The following PAX7 variants were observed in gnomAD, a reference collection of about 807,000 sequenced individuals.
The protein encoded by PAX7 is paired box protein Pax-7.
In PAX7, 18 loss-of-function variants were observed where a neutral mutation model predicts 50.7. That is an observed-to-expected ratio of 0.36 (90% CI 0.25 to 0.53). PAX7 has a LOEUF of 0.53. Among genes scored for constraint, PAX7 ranks in the 20% least tolerant of loss-of-function variants. The pLI is 0.93. For synonymous variants in PAX7, 310 were observed against 290.4 expected (o/e 1.07, Z -0.69); for missense variants, 644 against 702.9 (o/e 0.92, Z 0.95).
At chr1:18,681,651 A>G (rs1239026091) in intron 4 of PAX7, among the ~76,000 whole-genome samples, 2 of 152,152 alleles carry the variant, frequency 1.3e-5, no homozygotes, top group Non-Finnish European at 2.9e-5. Flanking sequence ...TTCCCCTTGC[A>G]TCAGATTTTG....
At position 18,678,868 on chromosome 1, in the gene PAX7, C is replaced by T. The variant is rs145650659; in HGVS notation, c.587-12886C>T. On this transcript the variant is annotated intron_variant, in intron 4 of 8. Transcript: ENST00000420770. ...GCATGTTTGAGCCTGTGCAGGAGACCTGGCATGGCACGCTCAGAAGTGCCC... is the reference window on the plus strand; with the variant it reads ...GCATGTTTGAGCCTGTGCAGGAGACTTGGCATGGCACGCTCAGAAGTGCCC... 2.5e-3 allele frequency among the ~76,000 whole-genome samples: 388 copies of T among 152,306 alleles called. 4 individuals are homozygous for T. The highest frequency in any genetic ancestry group is 9.1e-3 in the African/African-American group (378 of 41,552).
rs1427799199 is a variant in PAX7, at chr1:18,636,907, C to G, written c.586+536C>G. On this transcript the variant is annotated intron_variant, in intron 4 of 8. Transcript: ENST00000420770. This position sits in a 1 kb window ranked among gnomAD's most constrained non-coding sequence, Gnocchi z 5.1. ...GACCGCTGCAATCAATAAAAATTAG[C>G]CAGGGCCGCCGCCTGACTCAGCCCC... Among the ~76,000 whole-genome samples, 2 of 152,144 alleles carry G rather than the reference C, an allele frequency of 1.3e-5. No homozygotes were observed. Among genetic ancestry groups the G allele is most frequent in the Non-Finnish European group, 2.9e-5 (2 of 68,026 alleles).
intron 4 of PAX7, among the ~76,000 whole-genome samples, chr1:18,646,473 G>C (rs147859691): frequency 6.6e-6 from 1 of 152,248 alleles, no homozygotes; most frequent in East Asian, 1.9e-4. Context: ...GATAAGAGCC[G>C]CTCCTGGCCT....
intron 4 of PAX7, among the ~76,000 whole-genome samples, chr1:18,642,482 G>A (rs1319773374): frequency 2.0e-5 from 3 of 152,140 alleles, no homozygotes; most frequent in Non-Finnish European, 4.4e-5. Flanking sequence ...ATGACTAAGG[G>A]GGGAGGACAC....
chr1:18,707,917 G>A (rs560409446), intron 7 of PAX7, among the ~76,000 whole-genome samples: 1 of 152,068 alleles, frequency 6.6e-6, no homozygotes, highest in Non-Finnish European at 1.5e-5. Flanking sequence ...AGAAAACTGA[G>A]GCCAATGACT....
rs925643159 is a variant in PAX7 at position 18,747,349 on chromosome 1, A to G, written c.*2420A>G. 1.3e-5 allele frequency: 3 copies of G among 228,816 alleles called. No individual in the cohort carries two copies. Among genetic ancestry groups the G allele is most frequent in the African/African-American group, 4.4e-5 (2 of 45,118 alleles). The allele number at this position is 228,816 out of a possible 1,614,324, so 14.2% of individuals were successfully genotyped here. On this transcript the variant is annotated 3_prime_UTR_variant, in exon 9 of 9. Coordinates refer to ENST00000420770, the MANE Select transcript of PAX7 (RefSeq NM_001135254.2). ...CAAATGATTTCTCATGACGTTGAACATAAGTTCTCCCAAGCCATCATCTTG... is the reference window on the plus strand; with the variant it reads ...CAAATGATTTCTCATGACGTTGAACGTAAGTTCTCCCAAGCCATCATCTTG...
At chr1:18,643,554 T>C (rs967544025) in intron 4 of PAX7, among the ~76,000 whole-genome samples, 1 of 151,028 alleles carries the variant, frequency 6.6e-6, no homozygotes, top group African/African-American at 2.4e-5. Flanking sequence ...ACCGAGAGAC[T>C]GGCCCTGGGA....
intron 4 of PAX7, among the ~76,000 whole-genome samples, chr1:18,649,529 C>A (rs1389209356): frequency 6.6e-6 from 1 of 151,974 alleles, no homozygotes; most frequent in Non-Finnish European, 1.5e-5. Context: ...AGCCCCCATC[C>A]CCCTCCCCCG....
chr1:18,673,603 T>A (rs564688976), intron 4 of PAX7, among the ~76,000 whole-genome samples: 1 of 152,322 alleles, frequency 6.6e-6, no homozygotes, highest in Non-Finnish European at 1.5e-5. Context: ...GATTTTATTT[T>A]TATTGATCAA....
At chr1:18,723,856 A>G (rs2100375997) in intron 7 of PAX7, among the ~76,000 whole-genome samples, 1 of 152,282 alleles carries the variant, frequency 6.6e-6, no homozygotes, top group South Asian at 2.1e-4. Flanking sequence ...GAAAGAAAAG[A>G]GTGGAGCAGA....
chr1:18,683,321 C>T (rs1320500851), intron 4 of PAX7, among the ~76,000 whole-genome samples: 5 of 152,208 alleles, frequency 3.3e-5, no homozygotes, highest in East Asian at 3.8e-4. Flanking sequence ...TACCTGTCCC[C>T]GGCACTGTTG....
chr1:18,688,660 G>A (rs1423901427), intron 4 of PAX7, among the ~76,000 whole-genome samples: 1 of 152,162 alleles, frequency 6.6e-6, no homozygotes, highest in Non-Finnish European at 1.5e-5. Context: ...CAGCAATTTG[G>A]GAGGCCGAAG....
chr1:18,652,901 C>T (rs1039883263), intron 4 of PAX7, among the ~76,000 whole-genome samples: 1 of 152,192 alleles, frequency 6.6e-6, no homozygotes, highest in African/African-American at 2.4e-5. Flanking sequence ...AGCCATGCCC[C>T]GTGGGTATCT....
chr1:18,708,489 AG>A (rs2089311315), intron 7 of PAX7, among the ~76,000 whole-genome samples: 1 of 152,122 alleles, frequency 6.6e-6, no homozygotes, highest in African/African-American at 2.4e-5. Flanking sequence ...TGGGAGGTTG[AG>A]GCTGCAGTGA....
chr1:18,641,256 A>T (rs2088248978), intron 4 of PAX7, among the ~76,000 whole-genome samples: 1 of 152,190 alleles, frequency 6.6e-6, no homozygotes, highest in Non-Finnish European at 1.5e-5. Flanking sequence ...AACAAACTTT[A>T]AACAAGGGAG....
chr1:18,648,489 G>T (rs886131818), intron 4 of PAX7, among the ~76,000 whole-genome samples: 1 of 151,820 alleles, frequency 6.6e-6, no homozygotes, highest in African/African-American at 2.4e-5. Context: ...CTACAGGCAC[G>T]CACCACCACA....
At chr1:18,667,819 T>C (rs1242869185) in intron 4 of PAX7, among the ~76,000 whole-genome samples, 3 of 152,056 alleles carry the variant, frequency 2.0e-5, no homozygotes, top group African/African-American at 7.3e-5. Flanking sequence ...TGGGGGTTGA[T>C]GAAGGTCCAA....
rs943792008 is a variant in PAX7 at position 18,636,617 on chromosome 1, CTG to C, written c.586+249_586+250del. Among the ~76,000 whole-genome samples the C allele has an allele frequency of 3.9e-5, 6 of 152,194 alleles. No homozygotes were observed. The highest frequency in any genetic ancestry group is 1.4e-4 in the African/African-American group (6 of 41,462). On this transcript the variant is annotated intron_variant, in intron 4 of 8. Coordinates refer to ENST00000420770, the MANE Select transcript of PAX7 (RefSeq NM_001135254.2). The surrounding 1 kb of genome is among the most constrained non-coding windows in gnomAD (Gnocchi z 5.1). ...GCTATGGAGGCCGGGCACGGACGGC[CTG>C]TGAGTCCCGGGAGAGCCCGGCTGCG...
intron 1 of PAX7, among the ~76,000 whole-genome samples, chr1:18,633,975 C>G (rs559354093): frequency 1.5e-4 from 23 of 152,196 alleles, no homozygotes; most frequent in Non-Finnish European, 2.5e-4. Context: ...TCATCTTCAT[C>G]TCTCTCCCTC....
Sources: gnomAD v4.1 joint callset for allele counts (sites outside exome capture counted in the v4.1 genomes callset) on GRCh38, gnomAD v4.1.1 for gene constraint, Gnocchi (gnomAD v3.1) non-coding constraint, MANE v1.5 for transcripts, NCBI Gene and HGNC (gene_info 2026-07-23, HGNC 2026-07-21) for gene names.